Variants in DCLK1 observed in about 807,000 individuals in gnomAD.
The protein encoded by DCLK1 is serine/threonine-protein kinase DCLK1.
DCLK1 carries 16 observed loss-of-function variants against 86.2 expected under a neutral mutation model. The ratio of observed to expected loss-of-function variants is 0.19; its 90% CI spans 0.13 to 0.28. The LOEUF (loss-of-function observed/expected upper bound fraction) is 0.28. Among genes scored for constraint, DCLK1 ranks in the 10% least tolerant of loss-of-function variants. DCLK1 has a pLI of 1.00. For missense variants in DCLK1, 590 were observed against 940.2 expected (o/e 0.63, Z 4.87); for synonymous variants, 369 against 370.5 (o/e 1.00, Z 0.05).
intron 8 of DCLK1, among the ~76,000 whole-genome samples, chr13:35,831,728 A>T (rs1868981115): frequency 6.6e-6 from 1 of 152,178 alleles, no homozygotes; most frequent in Non-Finnish European, 1.5e-5. Context: ...CCACAACAAA[A>T]CCAGCAGCAA....
intron 5 of DCLK1, chr13:35,855,938 C>G (rs752650858): frequency 1.2e-6 from 1 of 811,120 alleles, no homozygotes; most frequent in Non-Finnish European, 1.5e-6. Context: ...TGGTGACTAC[C>G]AGGTAATCAG....
intron 11 of DCLK1, among the ~76,000 whole-genome samples, chr13:35,813,598 C>CA (rs2087198360): frequency 6.6e-6 from 1 of 151,820 alleles, no homozygotes; most frequent in South Asian, 2.1e-4. Flanking sequence ...AGTACTAATA[C>CA]AAAATGATTA....
intron 4 of DCLK1, among the ~76,000 whole-genome samples, chr13:35,934,684 G>A (rs1876659817): frequency 6.6e-6 from 1 of 152,160 alleles, no homozygotes; most frequent in Admixed American, 6.5e-5. Flanking sequence ...GATGAGATTT[G>A]GGTGGGGACA....
chr13:35,798,110 T>G (rs1182330379), intron 15 of DCLK1, among the ~76,000 whole-genome samples: 1 of 152,192 alleles, frequency 6.6e-6, no homozygotes, highest in African/African-American at 2.4e-5. Context: ...GCATTGCAAC[T>G]GACACGAACA....
At chr13:36,084,419 T>C (rs527510247) in intron 3 of DCLK1, among the ~76,000 whole-genome samples, 2 of 152,152 alleles carry the variant, frequency 1.3e-5, no homozygotes, top group African/African-American at 2.4e-5. Flanking sequence ...AAAACACTTA[T>C]GTATAATCTG....
intron 3 of DCLK1, among the ~76,000 whole-genome samples, chr13:35,999,655 A>G (rs760005029): frequency 6.6e-6 from 1 of 152,162 alleles, no homozygotes; most frequent in Non-Finnish European, 1.5e-5. Flanking sequence ...TTTTCTTGAC[A>G]CAAAGAGAGC....
chr13:35,849,573 A>G (rs1870457386), intron 6 of DCLK1: 1 of 978,568 alleles, frequency 1.0e-6, no homozygotes, highest in African/African-American at 1.8e-5. Context: ...AGACTTTAAA[A>G]TCATTATTTT....
intron 1 of DCLK1, 45 bp from the exon 2 acceptor site, chr13:36,126,201 TTATA>T (rs144431309): frequency 2.6e-4 from 341 of 1,294,458 alleles, no homozygotes; most frequent in South Asian, 6.0e-4. Context: ...TTGATGTAGG[TTATA>T]TATATATATA....
chr13:35,797,554 G>A (rs1314295580), intron 15 of DCLK1, among the ~76,000 whole-genome samples: 1 of 152,112 alleles, frequency 6.6e-6, no homozygotes, highest in African/African-American at 2.4e-5. Flanking sequence ...TGCAAGTAGC[G>A]AAACAAGTTG....
At chr13:36,033,407 C>T (rs1261866321) in intron 3 of DCLK1, among the ~76,000 whole-genome samples, 4 of 152,060 alleles carry the variant, frequency 2.6e-5, no homozygotes, top group Admixed American at 2.0e-4. Flanking sequence ...AGATTAAAAT[C>T]GCATAATATA....
At chr13:35,969,112 T>C (rs1449419573) in intron 3 of DCLK1, among the ~76,000 whole-genome samples, 1 of 152,198 alleles carries the variant, frequency 6.6e-6, no homozygotes, top group Non-Finnish European at 1.5e-5. Context: ...TCACTTCTCC[T>C]GCAACTATAA....
At chr13:35,980,908 A>G (rs1195543610) in intron 3 of DCLK1, among the ~76,000 whole-genome samples, 1 of 152,034 alleles carries the variant, frequency 6.6e-6, no homozygotes, top group African/African-American at 2.4e-5. Flanking sequence ...TCTGCCCACA[A>G]TGGCCTCCCA....
intron 3 of DCLK1, among the ~76,000 whole-genome samples, chr13:36,069,659 C>T (rs1049194178): frequency 6.6e-6 from 1 of 152,162 alleles, no homozygotes; most frequent in Non-Finnish European, 1.5e-5. Context: ...CACCTCTTCC[C>T]ACCTGGATCC....
At chr13:35,848,728 C>G in intron 6 of DCLK1, 1 of 985,300 alleles carries the variant, frequency 1.0e-6, no homozygotes, top group Non-Finnish European at 1.2e-6. Flanking sequence ...TATTTTTGTT[C>G]TGGACCATCT....
chr13:35,961,657 A>T lies in DCLK1; in HGVS notation c.724-14200T>A, dbSNP rs1439061368. On this transcript the variant is annotated intron_variant, in intron 3 of 16. Coordinates refer to ENST00000360631, the MANE Select transcript of DCLK1 (RefSeq NM_001330071.2). ...AAGTAGATGATTGAAAATTCCCTCA[A>T]GGCTGAAACATTTGTCCACGCCAAT... 2.0e-5 allele frequency among the ~76,000 whole-genome samples: 3 copies of T among 152,312 alleles called. No homozygotes were observed. In the East Asian group the frequency reaches 5.8e-4, roughly 29 times the overall value.
intron 3 of DCLK1, among the ~76,000 whole-genome samples, chr13:36,034,193 C>T (rs898962814): frequency 8.6e-5 from 13 of 151,810 alleles, no homozygotes; most frequent in Non-Finnish European, 1.2e-4. Context: ...AAAGAAGTAT[C>T]GTGTATATTA....
intron 3 of DCLK1, among the ~76,000 whole-genome samples, chr13:35,987,315 C>T (rs1439912407): frequency 6.6e-6 from 1 of 152,106 alleles, no homozygotes; most frequent in African/African-American, 2.4e-5. Flanking sequence ...ATCCCAGCTA[C>T]TTAGGAGGCT....
At chr13:36,077,355 A>C (rs1436850493) in intron 3 of DCLK1, among the ~76,000 whole-genome samples, 1 of 152,292 alleles carries the variant, frequency 6.6e-6, no homozygotes, top group South Asian at 2.1e-4. Context: ...TGGATTCAAA[A>C]AGTTCTCAGA....
chr13:35,863,459 G>T (rs1057477732), intron 5 of DCLK1, among the ~76,000 whole-genome samples: 2 of 152,184 alleles, frequency 1.3e-5, no homozygotes, highest in African/African-American at 4.8e-5. Context: ...TCAAGATAAT[G>T]GTTAAAGGCT....
Sources: gnomAD v4.1 joint callset for allele counts (sites outside exome capture counted in the v4.1 genomes callset) on GRCh38, gnomAD v4.1.1 for gene constraint, MANE v1.5 for transcripts, NCBI Gene and HGNC (gene_info 2026-07-23, HGNC 2026-07-21) for gene names.